The following NUB1 variants were observed in gnomAD, a reference collection of about 807,000 sequenced individuals.
NUB1 encodes negative regulator of ubiquitin like proteins 1, also known as NEDD8 ultimate buster 1.
NUB1 carries 41 observed loss-of-function variants against 77.1 expected under a neutral mutation model. The observed-to-expected ratio is 0.53, with a 90% CI of 0.41 to 0.69. NUB1 has a LOEUF of 0.69. Among genes scored for constraint, NUB1 ranks in the 30% least tolerant of loss-of-function variants. The probability of loss-of-function intolerance (pLI) is 0.00; values close to 1 mark genes in which losing one functional copy is unlikely to be tolerated. For synonymous variants in NUB1, 257 were observed against 281.0 expected (o/e 0.91, Z 0.85); for missense variants, 643 against 743.8 (o/e 0.86, Z 1.58).
At chr7:151,375,751 A>G (rs1207218273) in intron 12 of NUB1, 97 bp from the exon 13 acceptor site, 2 of 789,238 alleles carry the variant, frequency 2.5e-6, no homozygotes, top group Admixed American at 3.6e-5. Context: ...GCAGCAGAGG[A>G]CGGCGGGGTC....
intron 1 of NUB1, chr7:151,342,065 G>A: frequency 1.3e-6 from 1 of 785,370 alleles, no homozygotes; most frequent in Non-Finnish European, 1.8e-6. Context: ...CCTTTGGTTT[G>A]CCCTGAGTTA....
At chr7:151,347,273 A>C (rs1796544853) in intron 2 of NUB1, among the ~76,000 whole-genome samples, 1 of 152,092 alleles carries the variant, frequency 6.6e-6, no homozygotes. Context: ...ACAGTGGCGC[A>C]TGCCTGTAGT....
intron 2 of NUB1, 22 bp from the exon 3 acceptor site, chr7:151,349,051 A>AT: frequency 6.3e-7 from 1 of 1,589,568 alleles, no homozygotes; most frequent in South Asian, 1.1e-5. Flanking sequence ...TCAGTATTGC[A>AT]TTTTCTGATT....
chr7:151,359,595 T>C (rs970977928), intron 7 of NUB1, among the ~76,000 whole-genome samples: 9 of 147,182 alleles, frequency 6.1e-5, no homozygotes, highest in African/African-American at 2.4e-4. Flanking sequence ...CTGGCCAACA[T>C]GGTGAAACCC....
intron 1 of NUB1, 127 bp from the exon 2 acceptor site, chr7:151,345,221 G>C: frequency 3.4e-6 from 2 of 590,770 alleles, no homozygotes; most frequent in East Asian, 3.2e-5. Flanking sequence ...TTAAACCATA[G>C]TAATTTATAT....
Position 151,353,393 on chromosome 7 carries a change from G to T in NUB1, c.415+511G>T, listed in dbSNP as rs891945740. On this transcript the variant is annotated intron_variant, in intron 5 of 14. Transcript: ENST00000568733. ...ACTGTGAATTCCCAGGAGACATTTG[G>T]CATTGTCTGGAGACATTTGTGGTGC... 1.3e-5 allele frequency among the ~76,000 whole-genome samples: 2 copies of T among 152,138 alleles called. 1 individual carries two copies. Among genetic ancestry groups the T allele is most frequent in the Non-Finnish European group, 2.9e-5 (2 of 68,016 alleles).
chr7:151,375,752 C>A, intron 12 of NUB1, 96 bp from the exon 13 acceptor site: 1 of 796,700 alleles, frequency 1.3e-6, no homozygotes. Context: ...CAGCAGAGGA[C>A]GGCGGGGTCT....
chr7:151,349,163 C>G lies in NUB1; in HGVS notation c.208C>G (p.Arg70Gly). ...AGAAATACGTTGCAAGGCAATTGAGCGTGGAACAGGAAATGACAATTATAG... is the reference window on the plus strand; with the variant it reads ...AGAAATACGTTGCAAGGCAATTGAGGGTGGAACAGGAAATGACAATTATAG... ...IEEIRCKAIE[R>G]GTGNDNYRTT... Residue 70 changes from arginine to glycine, a missense_variant, in exon 3 of 15, where the codon CGT becomes GGT. Arg to Gly is a moderately radical substitution (Grantham distance 125, BLOSUM62 -2). Coordinates refer to ENST00000568733, the MANE Select transcript of NUB1 (RefSeq NM_001243351.2). 6.2e-7 allele frequency: 1 copy of G among 1,613,126 alleles called. No individual in the cohort carries two copies. Among genetic ancestry groups the G allele is most frequent in the Non-Finnish European group, 8.5e-7 (1 of 1,179,566 alleles).
intron 2 of NUB1, 64 bp from the exon 3 acceptor site, chr7:151,349,009 C>G: frequency 6.7e-7 from 1 of 1,485,802 alleles, no homozygotes; most frequent in Non-Finnish European, 9.2e-7. Context: ...TCTTTCATGC[C>G]CTTTTCTATA....
intron 13 of NUB1, chr7:151,376,238 G>C: frequency 1.1e-5 from 5 of 471,670 alleles, no homozygotes; most frequent in South Asian, 9.1e-5. Flanking sequence ...TGACCTAAAA[G>C]GATGGCACTG....
At position 151,376,621 on chromosome 7, in the gene NUB1, C is replaced by T. The variant is rs376207252; in HGVS notation, c.1492-13C>T. On this transcript the variant is annotated splice_polypyrimidine_tract_variant and intron_variant, in intron 13 of 14. Coordinates refer to ENST00000568733, the MANE Select transcript of NUB1 (RefSeq NM_001243351.2). ...CCAGGGGCTGATGCTGTGACCCCTG[C>T]GCTCTCCCCTAGTTGGTGTACATGG... 86 of 1,596,916 alleles carry T rather than the reference C, an allele frequency of 5.4e-5. No individual in the cohort carries two copies. The highest frequency in any genetic ancestry group is 9.0e-5 in the East Asian group (4 of 44,384).
In NUB1 at chr7:151,368,834, G is replaced by T; in HGVS notation, c.1195G>T (p.Ala399Ser). Residue 399 changes from alanine to serine, a missense_variant, in exon 11 of 15, where the codon GCG becomes TCG. By Grantham distance (99) the Ala-to-Ser change is moderately conservative. Coordinates refer to ENST00000568733, the MANE Select transcript of NUB1 (RefSeq NM_001243351.2). ...TAQEARLGLR[A>S]CDGNVDHAAT... ...CCAGGAAGCCCGGCTTGGCCTGAGG[G>T]CGTGTGATGGGAACGTGGATCATGC... 1 of 1,614,046 alleles carries T rather than the reference G, an allele frequency of 6.2e-7. No homozygotes were observed. The highest frequency in any genetic ancestry group is 1.3e-5 in the African/African-American group (1 of 75,068).
intron 10 of NUB1, 22 bp from the exon 11 acceptor site, chr7:151,368,713 T>C (rs1331076310): frequency 6.3e-7 from 1 of 1,585,782 alleles, no homozygotes; most frequent in Non-Finnish European, 8.6e-7. Context: ...GTTACATGAT[T>C]CTTACATTTC....
Position 151,364,151 on chromosome 7 carries a change from G to A in NUB1, c.801-2788G>A, listed in dbSNP as rs536242169. 1.7e-4 allele frequency among the ~76,000 whole-genome samples: 25 copies of A among 150,546 alleles called. No homozygotes were observed. In the South Asian group the frequency reaches 2.3e-3, roughly 14 times the overall value. ...AAGAAAGGTAAGCCTGGCCGGGCGCGGTGGCTCACGCCTGTAATCCCAACA... is the reference window on the plus strand; with the variant it reads ...AAGAAAGGTAAGCCTGGCCGGGCGCAGTGGCTCACGCCTGTAATCCCAACA... On this transcript the variant is annotated intron_variant, in intron 8 of 14. Transcript: ENST00000568733.
chr7:151,368,954 GT>G, intron 11 of NUB1, 67 bp downstream of exon 11: 5 of 1,477,970 alleles, frequency 3.4e-6, no homozygotes, highest in Non-Finnish European at 4.5e-6. Context: ...TCCCACAGGA[GT>G]GTTAATAACC....
chr7:151,348,189 C>T (rs767792732), intron 2 of NUB1, among the ~76,000 whole-genome samples: 2 of 152,174 alleles, frequency 1.3e-5, no homozygotes, highest in Non-Finnish European at 2.9e-5. Context: ...ACCATAATGA[C>T]TTTGCTCTCA....
At chr7:151,360,056 G>GT (rs1230557428) in intron 7 of NUB1, 85 bp from the exon 8 acceptor site, 3 of 604,500 alleles carry the variant, frequency 5.0e-6, no homozygotes, top group African/African-American at 3.7e-5. Context: ...TTTTTACTTT[G>GT]TTTTTTAAAA....
chr7:151,367,302 T>C (rs1797738151), intron 9 of NUB1, among the ~76,000 whole-genome samples, 177 bp downstream of exon 9: 1 of 152,238 alleles, frequency 6.6e-6, no homozygotes, highest in African/African-American at 2.4e-5. Context: ...AATCTGGCTG[T>C]CTCTCTTACT....
chr7:151,344,894 G>A (rs1796418071), intron 1 of NUB1, among the ~76,000 whole-genome samples: 1 of 151,480 alleles, frequency 6.6e-6, no homozygotes, highest in Non-Finnish European at 1.5e-5. Context: ...CAGTGAGTAG[G>A]GAGGCTGATG....
Sources: allele counts gnomAD v4.1 joint callset (sites outside exome capture counted in the v4.1 genomes callset), GRCh38; gene constraint gnomAD v4.1.1; transcripts MANE v1.5; gene names NCBI Gene and HGNC (gene_info 2026-07-23, HGNC 2026-07-21).